PRKAR1B: variants seen among roughly 807,000 people sequenced by gnomAD.
The protein encoded by PRKAR1B is protein kinase cAMP-dependent type I regulatory subunit beta.
Under a neutral mutation model 46.5 loss-of-function variants are expected in PRKAR1B, and 22 were observed. The ratio of observed to expected loss-of-function variants is 0.47; its 90% confidence interval spans 0.34 to 0.68. The LOEUF is 0.68. Ranked by LOEUF, PRKAR1B falls within the 30% of genes least tolerant of loss-of-function variation. PRKAR1B has a pLI of 0.01. For missense variants in PRKAR1B, 445 were observed against 535.6 expected (o/e 0.83, Z 1.67); for synonymous variants, 259 against 217.7 (o/e 1.19, Z -1.67).
chr7:560,743 C>T lies in PRKAR1B; in HGVS notation c.892-9273G>A, dbSNP rs1345855226. On this transcript the variant is annotated intron_variant, in intron 9 of 10. Transcript: ENST00000537384. This position sits in a 1 kb window ranked among gnomAD's most constrained non-coding sequence, Gnocchi z 4.2. Reference sequence around the variant, plus strand: ...GACAACGCCAACCAATGCTACAGAGCGGCGGTGAGGCCAGATTACCCCAGC... The same window carrying T: ...GACAACGCCAACCAATGCTACAGAGTGGCGGTGAGGCCAGATTACCCCAGC... Among the ~76,000 whole-genome samples, 1 of 152,218 alleles carries T rather than the reference C, an allele frequency of 6.6e-6. No homozygotes were observed. The highest frequency in any genetic ancestry group is 6.5e-5 in the Admixed American group (1 of 15,280).
intron 9 of PRKAR1B, among the ~76,000 whole-genome samples, chr7:554,231 G>A (rs757042870): frequency 2.9e-4 from 44 of 151,368 alleles, no homozygotes; most frequent in Non-Finnish European, 2.1e-4. Context: ...TCAAAGCTGT[G>A]GCCACTCTGA....
At chr7:627,187 G>A (rs1398703468) in intron 4 of PRKAR1B, among the ~76,000 whole-genome samples, 3 of 151,834 alleles carry the variant, frequency 2.0e-5, no homozygotes, top group Non-Finnish European at 2.9e-5. Flanking sequence ...ATGGGGTCTC[G>A]TCGCATTGCC....
At chr7:624,296 G>A (rs1482334321) in intron 4 of PRKAR1B, among the ~76,000 whole-genome samples, 3 of 152,172 alleles carry the variant, frequency 2.0e-5, no homozygotes, top group Admixed American at 6.5e-5. Flanking sequence ...AGCCAGGCTT[G>A]GTGACATGTG....
intron 2 of PRKAR1B, among the ~76,000 whole-genome samples, chr7:692,142 G>A (rs1203264174): frequency 6.6e-6 from 1 of 152,232 alleles, no homozygotes; most frequent in African/African-American, 2.4e-5. Context: ...GCTCATGCCT[G>A]TCATCCCAGC....
chr7:680,490 G>A, intron 3 of PRKAR1B, 66 bp downstream of exon 3: 1 of 1,465,548 alleles, frequency 6.8e-7, no homozygotes, highest in Non-Finnish European at 9.0e-7. Context: ...GGCTTCCAGG[G>A]AGCTCACAGG....
intron 2 of PRKAR1B, among the ~76,000 whole-genome samples, chr7:702,052 G>A (rs1300722912): frequency 1.3e-5 from 2 of 152,166 alleles, no homozygotes; most frequent in Admixed American, 1.3e-4. Flanking sequence ...GGGAGTGGGG[G>A]AAAGTTCAAC....
chr7:645,224 T>C (rs1030123367), intron 4 of PRKAR1B, among the ~76,000 whole-genome samples: 10 of 152,252 alleles, frequency 6.6e-5, no homozygotes, highest in Non-Finnish European at 1.5e-4. Flanking sequence ...CTCTCCCTCC[T>C]ACAGAAAGGA....
At position 584,490 on chromosome 7, in the gene PRKAR1B, A is replaced by G. The variant is rs779509356; in HGVS notation, c.769+18T>C. ...CAGATGTCGGGACACACAGCCGTGC[A>G]GGGGCGCAGCCACTGACCTAGGATG... On this transcript the variant is annotated intron_variant, in intron 8 of 10. Coordinates refer to ENST00000537384, the MANE Select transcript of PRKAR1B (RefSeq NM_001164760.2). 3.7e-6 allele frequency: 6 copies of G among 1,612,452 alleles called. No individual in the cohort carries two copies. The highest frequency in any genetic ancestry group is 1.7e-5 in the Admixed American group (1 of 59,994).
At chr7:673,268 G>A (rs1300020760) in intron 4 of PRKAR1B, among the ~76,000 whole-genome samples, 1 of 151,978 alleles carries the variant, frequency 6.6e-6, no homozygotes, top group Non-Finnish European at 1.5e-5. Flanking sequence ...TTTCAACCGG[G>A]TGAACGTAAT....
At chr7:638,680 G>T (rs1199813020) in intron 4 of PRKAR1B, among the ~76,000 whole-genome samples, 1 of 152,228 alleles carries the variant, frequency 6.6e-6, no homozygotes, top group Non-Finnish European at 1.5e-5. Flanking sequence ...AGAAGTTAAA[G>T]ATCTAAATAC....
chr7:721,023 TG>T (rs1398625460), intron 1 of PRKAR1B, among the ~76,000 whole-genome samples: 1 of 152,222 alleles, frequency 6.6e-6, no homozygotes, highest in Non-Finnish European at 1.5e-5. Context: ...GATACCTGAA[TG>T]TTTTTTAGAA....
intron 4 of PRKAR1B, among the ~76,000 whole-genome samples, chr7:629,115 C>T (rs1317792549): frequency 6.6e-6 from 1 of 152,256 alleles, no homozygotes; most frequent in Non-Finnish European, 1.5e-5. Context: ...AGCCTGGCTG[C>T]CTTCCTCAGC....
chr7:699,738 G>A (rs777595578), intron 2 of PRKAR1B, among the ~76,000 whole-genome samples: 3 of 152,152 alleles, frequency 2.0e-5, no homozygotes, highest in Non-Finnish European at 2.9e-5. Context: ...GCCGGAGCCC[G>A]TGGGTGGCCA....
chr7:659,264 G>A (rs1785370092), intron 4 of PRKAR1B, among the ~76,000 whole-genome samples: 1 of 152,210 alleles, frequency 6.6e-6, no homozygotes, highest in African/African-American at 2.4e-5. Flanking sequence ...AGTAAAGCCA[G>A]GTACGGTAGG....
chr7:693,287 A>T (rs1406092991), intron 2 of PRKAR1B, among the ~76,000 whole-genome samples: 1 of 151,146 alleles, frequency 6.6e-6, no homozygotes, highest in African/African-American at 2.4e-5. Context: ...CTTAAAGTTA[A>T]CAATCAACTG....
chr7:575,875 C>A (rs1193174268), intron 9 of PRKAR1B, among the ~76,000 whole-genome samples: 1 of 152,248 alleles, frequency 6.6e-6, no homozygotes, highest in Non-Finnish European at 1.5e-5. Flanking sequence ...CCGTGCCCAA[C>A]AGCCGCCTTT....
At chr7:662,003 G>C (rs1484560759) in intron 4 of PRKAR1B, among the ~76,000 whole-genome samples, 2 of 60,198 alleles carry the variant, frequency 3.3e-5, no homozygotes, top group African/African-American at 7.3e-5. Flanking sequence ...CCCCCACATG[G>C]CACAGGTCCC....
intron 4 of PRKAR1B, among the ~76,000 whole-genome samples, chr7:634,979 A>G (rs1783964671): frequency 6.6e-6 from 1 of 152,214 alleles, no homozygotes; most frequent in Non-Finnish European, 1.5e-5. Context: ...TAAAAAGAGT[A>G]AAAATAACAG....
intron 9 of PRKAR1B, among the ~76,000 whole-genome samples, chr7:578,393 A>G (rs1351839658): frequency 6.6e-6 from 1 of 152,226 alleles, no homozygotes; most frequent in Non-Finnish European, 1.5e-5. Flanking sequence ...TGAGACGGCA[A>G]AAATGACTCA....
Sources: gnomAD v4.1 joint callset for allele counts (sites outside exome capture counted in the v4.1 genomes callset) on GRCh38, gnomAD v4.1.1 for gene constraint, Gnocchi (gnomAD v3.1) non-coding constraint, MANE v1.5 for transcripts, NCBI Gene and HGNC (gene_info 2026-07-23, HGNC 2026-07-21) for gene names.